Variants in EPB41L4A observed in about 807,000 individuals in gnomAD.
The protein encoded by EPB41L4A is erythrocyte membrane protein band 4.1 like 4A.
EPB41L4A carries 100 observed loss-of-function variants against 108.6 expected under a neutral mutation model. The ratio of observed to expected loss-of-function variants is 0.92; its 90% CI spans 0.78 to 1.09. The LOEUF is 1.09. Among genes scored for constraint, EPB41L4A ranks in the 50% least tolerant of loss-of-function variants. EPB41L4A has a pLI of 0.00. For synonymous variants in EPB41L4A, 319 were observed against 289.0 expected (o/e 1.10, Z -1.05); for missense variants, 1,030 against 842.7 (o/e 1.22, Z -2.75).
At chr5:112,148,386 A>G (rs555274525) in intron 12 of EPB41L4A, among the ~76,000 whole-genome samples, 43 of 151,574 alleles carry the variant, frequency 2.8e-4, no homozygotes, top group Non-Finnish European at 1.9e-4. Context: ...ATTTCTTTTA[A>G]TTACATTTAT....
In EPB41L4A at chr5:112,391,692, C is replaced by T. The variant is rs1030337652; in HGVS notation, c.99+27249G>A. On this transcript the variant is annotated intron_variant, in intron 1 of 22. Transcript: ENST00000261486. The stretch of plus-strand genomic sequence containing the variant: ...ATCCAGGAGAACTTTCCCAACCTAG[C>T]AAGGCAGGTCAACATTCAAATTCAG... 7.2e-5 allele frequency among the ~76,000 whole-genome samples: 11 copies of T among 152,220 alleles called. No individual in the cohort carries two copies. The East Asian group carries it at 2.1e-3, about 29-fold the overall frequency.
intron 1 of EPB41L4A, among the ~76,000 whole-genome samples, chr5:112,360,048 T>G (rs1044388045): frequency 2.0e-5 from 3 of 152,190 alleles, no homozygotes; most frequent in African/African-American, 7.2e-5. Context: ...TCCAATAATT[T>G]GTAAAAGTAA....
At chr5:112,239,221 T>C (rs2150377877) in intron 11 of EPB41L4A, among the ~76,000 whole-genome samples, 1 of 152,340 alleles carries the variant, frequency 6.6e-6, no homozygotes, top group South Asian at 2.1e-4. Flanking sequence ...TTGCTAGCAT[T>C]ACTACATGCA....
At chr5:112,403,164 G>C (rs1044652464) in intron 1 of EPB41L4A, among the ~76,000 whole-genome samples, 1 of 152,076 alleles carries the variant, frequency 6.6e-6, no homozygotes, top group Non-Finnish European at 1.5e-5. Flanking sequence ...CTGGAGGCTG[G>C]TTTCCTTTAT....
At chr5:112,257,658 C>T (rs759952789) in intron 9 of EPB41L4A, among the ~76,000 whole-genome samples, 1 of 152,116 alleles carries the variant, frequency 6.6e-6, no homozygotes, top group African/African-American at 2.4e-5. Context: ...GTAATAATAA[C>T]ATGAAAGTCA....
At chr5:112,311,439 T>TA (rs1297640820) in intron 1 of EPB41L4A, among the ~76,000 whole-genome samples, 1 of 152,218 alleles carries the variant, frequency 6.6e-6, no homozygotes, top group African/African-American at 2.4e-5. Flanking sequence ...ACTGAAAAGA[T>TA]ACTGAGTATC....
chr5:112,216,375 T>C (rs1476357984), intron 12 of EPB41L4A, among the ~76,000 whole-genome samples: 1 of 152,232 alleles, frequency 6.6e-6, no homozygotes, highest in East Asian at 1.9e-4. Flanking sequence ...AATGTTGCCA[T>C]TCCTTTTAAT....
At position 112,325,092 on chromosome 5, in the gene EPB41L4A, A is replaced by G. The variant is rs147795352; in HGVS notation, c.100-17602T>C. 3.4e-3 allele frequency among the ~76,000 whole-genome samples: 521 copies of G among 152,306 alleles called. 1 individual carries two copies. Among genetic ancestry groups the G allele is most frequent in the African/African-American group, 0.012 (484 of 41,560 alleles). The stretch of plus-strand genomic sequence containing the variant: ...CCCTAATTTGGATGACCATCAATAG[A>G]AGAATTGTTGAATAAACTGTAGTCA... On this transcript the variant is annotated intron_variant, in intron 1 of 22. Transcript: ENST00000261486.
intron 12 of EPB41L4A, among the ~76,000 whole-genome samples, chr5:112,155,243 C>T (rs1759606693): frequency 6.6e-6 from 1 of 152,020 alleles, no homozygotes; most frequent in Non-Finnish European, 1.5e-5. Context: ...CAGAAGTTAC[C>T]TCTTGTATTT....
intron 17 of EPB41L4A, among the ~76,000 whole-genome samples, chr5:112,192,738 A>C (rs561227222): frequency 6.6e-6 from 1 of 152,354 alleles, no homozygotes; most frequent in African/African-American, 2.4e-5. Flanking sequence ...TTTCATTTTC[A>C]GTAGCGAATG....
At chr5:112,211,262 G>C (rs559466874) in intron 12 of EPB41L4A, among the ~76,000 whole-genome samples, 1 of 152,166 alleles carries the variant, frequency 6.6e-6, no homozygotes, top group South Asian at 2.1e-4. Context: ...GTCTAGATTA[G>C]GAGTCAACTG....
intron 12 of EPB41L4A, among the ~76,000 whole-genome samples, chr5:112,219,683 G>C (rs1747909053): frequency 6.6e-6 from 1 of 152,054 alleles, no homozygotes; most frequent in Non-Finnish European, 1.5e-5. Flanking sequence ...AATATAAAAA[G>C]TAAATTTTTT....
chr5:112,393,739 A>C (rs1219068485), intron 1 of EPB41L4A, among the ~76,000 whole-genome samples: 2 of 152,360 alleles, frequency 1.3e-5, no homozygotes, highest in East Asian at 3.9e-4. Context: ...AACTCATTTT[A>C]TGAGGCCAGC....
In EPB41L4A at chr5:112,266,229, C is replaced by T. The variant is rs768127299; in HGVS notation, c.433+4G>A. On this transcript the variant is annotated splice_donor_region_variant and intron_variant, in intron 5 of 22. Coordinates refer to ENST00000261486, the MANE Select transcript of EPB41L4A (RefSeq NM_022140.5). The stretch of plus-strand genomic sequence containing the variant: ...TGAGGCAAATATGCTTAAGTGGCAC[C>T]TACACTGGATGGCATACGCTCCCAG... 2.1e-5 allele frequency: 33 copies of T among 1,594,572 alleles called. No homozygotes were observed. Among genetic ancestry groups the T allele is most frequent in the Non-Finnish European group, 2.7e-5 (32 of 1,172,294 alleles).
At chr5:112,314,505 T>TAAAAAAAAAAAAAAAAAAAAA (rs552428109) in intron 1 of EPB41L4A, among the ~76,000 whole-genome samples, 12 of 55,182 alleles carry the variant, frequency 2.2e-4, no homozygotes, top group African/African-American at 7.2e-4. Flanking sequence ...CCATCGCTAC[T>TAAAAAAAAAAAAAAAAAAAAA]AAAAAAAAAA....
rs140292936 is a variant in EPB41L4A at position 112,387,196 on chromosome 5, T to G, written c.99+31745A>C. 4.7e-3 allele frequency among the ~76,000 whole-genome samples: 717 copies of G among 152,314 alleles called. 9 individuals are homozygous for G. The highest frequency in any genetic ancestry group is 0.016 in the African/African-American group (656 of 41,558). On this transcript the variant is annotated intron_variant, in intron 1 of 22. Transcript: ENST00000261486. ...TGGCCAGATCCAGCTTCAGCCAGGA[T>G]GTAAGGCAGATGCACGAACTCCTCA...
chr5:112,178,956 T>C (rs1319035090), intron 18 of EPB41L4A, among the ~76,000 whole-genome samples: 1 of 150,868 alleles, frequency 6.6e-6, no homozygotes, highest in Non-Finnish European at 1.5e-5. Context: ...AAATTGGTTC[T>C]CTGAAAAAAA....
intron 12 of EPB41L4A, among the ~76,000 whole-genome samples, chr5:112,215,828 G>C (rs150933133): frequency 6.6e-6 from 1 of 151,364 alleles, no homozygotes. Context: ...AAGGCTGCTC[G>C]TATTTTGAAG....
At chr5:112,172,465 T>C (rs1346595334) in intron 18 of EPB41L4A, among the ~76,000 whole-genome samples, 5 of 144,982 alleles carry the variant, frequency 3.4e-5, no homozygotes, top group Non-Finnish European at 6.0e-5. Flanking sequence ...TAAGCCGAGA[T>C]CACACCACTG....
Sources: gnomAD v4.1 joint callset for allele counts (sites outside exome capture counted in the v4.1 genomes callset) on GRCh38, gnomAD v4.1.1 for gene constraint, MANE v1.5 for transcripts, NCBI Gene and HGNC (gene_info 2026-07-23, HGNC 2026-07-21) for gene names.